The following ITGAE variants were observed in gnomAD, a reference collection of about 807,000 sequenced individuals.
ITGAE encodes integrin alpha-E.
ITGAE carries 99 observed loss-of-function variants against 136.5 expected under a neutral mutation model. The observed-to-expected ratio is 0.73, with a 90% CI of 0.62 to 0.86. The LOEUF is 0.86. Among genes scored for constraint, ITGAE ranks in the 40% least tolerant of loss-of-function variants. The pLI is 0.00. For missense variants in ITGAE, 1,447 were observed against 1,515.3 expected (o/e 0.95, Z 0.75); for synonymous variants, 613 against 591.8 (o/e 1.04, Z -0.52).
chr17:3,714,701 T>G lies in ITGAE; in HGVS notation c.*146A>C, dbSNP rs1050247781. ...ACTTTTTGCACAATGCACAGACACT[T>G]TTGGGACAATGTATGGTTAAAAACT... On this transcript the variant is annotated 3_prime_UTR_variant, in exon 31 of 31. Transcript: ENST00000263087. 7 of 541,848 alleles carry G rather than the reference T, an allele frequency of 1.3e-5. No individual in the cohort carries two copies. Among genetic ancestry groups the G allele is most frequent in the Non-Finnish European group, 2.0e-5 (6 of 307,462 alleles). The allele number at this position is 541,848 out of a possible 1,614,324, so 33.6% of individuals were successfully genotyped here.
At chr17:3,766,113 GC>G (rs2052291478) in intron 2 of ITGAE, among the ~76,000 whole-genome samples, 1 of 152,154 alleles carries the variant, frequency 6.6e-6, no homozygotes, top group Non-Finnish European at 1.5e-5. Flanking sequence ...TATGAGGGAG[GC>G]CCCGAAAACG....
intron 14 of ITGAE, among the ~76,000 whole-genome samples, chr17:3,752,496 C>A (rs545681548): frequency 6.6e-6 from 1 of 152,222 alleles, no homozygotes; most frequent in Non-Finnish European, 1.5e-5. Context: ...TGACTCACGC[C>A]CATAATCTCA....
At position 3,793,889 on chromosome 17, in the gene ITGAE, CCT is replaced by C. The variant is rs376826856; in HGVS notation, c.34+7220_34+7221del. 8.4e-4 allele frequency among the ~76,000 whole-genome samples: 128 copies of C among 151,888 alleles called. 6 individuals carry two copies. In the East Asian group the frequency reaches 0.016, roughly 19 times the overall value. ...GAAGCATTGGAGCCCTTCCTGATCC[CCT>C]GAGTGCACATGTGTACAAAATCCTC... is the stretch of plus-strand genomic sequence containing the variant. On this transcript the variant is annotated intron_variant, in intron 1 of 30. Transcript: ENST00000263087.
In ITGAE at chr17:3,720,043, T is replaced by TA. The variant is rs768340539; in HGVS notation, c.3333+263dup. Among the ~76,000 whole-genome samples, 14 of 152,268 alleles carry TA rather than the reference T, an allele frequency of 9.2e-5. No individual in the cohort carries two copies. The East Asian group carries it at 2.7e-3, about 29-fold the overall frequency. On this transcript the variant is annotated intron_variant, in intron 29 of 30. Transcript: ENST00000263087. Reference sequence around the variant, plus strand: ...CGCCCAGCTGCGAAATTTTTTTTTTTAATCAATCCATTTTCAAATCAAAGT... The same window carrying TA: ...CGCCCAGCTGCGAAATTTTTTTTTTTAAATCAATCCATTTTCAAATCAAAGT...
At chr17:3,788,306 T>C (rs73318168) in intron 1 of ITGAE, among the ~76,000 whole-genome samples, 5,410 of 151,998 alleles carry the variant, frequency 0.036, 97 homozygotes, top group East Asian at 0.047. Context: ...TTTTTGCTTT[T>C]TGAGACTGGC....
chr17:3,797,140 AATATATATATATATAT>A (rs10538298), intron 1 of ITGAE, among the ~76,000 whole-genome samples: 1 of 71,010 alleles, frequency 1.4e-5, no homozygotes, highest in African/African-American at 6.2e-5. Context: ...CTGGAAACTA[AATATATATATATATAT>A]ATTTTTTTTT....
Position 3,734,835 on chromosome 17 carries a change from C to T in ITGAE, c.2637G>A (p.Gln879=). 1.2e-6 allele frequency: 2 copies of T among 1,614,198 alleles called. No individual in the cohort carries two copies. Among genetic ancestry groups the T allele is most frequent in the Non-Finnish European group, 8.5e-7 (1 of 1,180,030 alleles). Reference sequence around the variant, plus strand: ...CAGTCACCTTTTGCATCCTCTTCAACTGCAGGTTTCTGGGGTAATTCAAGG... The same window carrying T: ...CAGTCACCTTTTGCATCCTCTTCAATTGCAGGTTTCTGGGGTAATTCAAGG... ...SMALNYPRNL[Q]LKRMQKPPSP... is the part of the protein sequence containing the mutation. The change falls in exon 21 of 31, where the codon CAG becomes CAA. Residue 879 remains glutamine (Q), a synonymous_variant. Transcript: ENST00000263087.
At chr17:3,788,456 ATT>A (rs71155804) in intron 1 of ITGAE, among the ~76,000 whole-genome samples, 3,537 of 103,126 alleles carry the variant, frequency 0.034, 42 homozygotes, top group East Asian at 0.048. Flanking sequence ...GACCTGACTA[ATT>A]TTTTTTTTTT....
intron 30 of ITGAE, among the ~76,000 whole-genome samples, chr17:3,715,966 C>A (rs1050160852): frequency 3.3e-5 from 5 of 151,984 alleles, no homozygotes; most frequent in African/African-American, 1.2e-4. Flanking sequence ...ACCAGCCTGG[C>A]CAATATGGTG....
Position 3,728,153 on chromosome 17 carries a change from G to A in ITGAE, c.2928C>T (p.Tyr976=), listed in dbSNP as rs756555666. Residue 976 remains tyrosine, a synonymous_variant, in exon 25 of 31, where the codon TAC becomes TAT. Coordinates refer to ENST00000263087, the MANE Select transcript of ITGAE (RefSeq NM_002208.5). ...GAGAAAGCCCCTGGCCTGTGTTCAC[G>A]TACATTATGGATGGTCTGCAATTGA... is the stretch of plus-strand genomic sequence containing the variant. The part of the protein sequence containing the change: ...VAVLSKPSIM[Y]VNTGQGLSHH... 1.1e-5 allele frequency: 17 copies of A among 1,612,494 alleles called. No individual in the cohort carries two copies. The highest frequency in any genetic ancestry group is 4.5e-5 in the East Asian group (2 of 44,896).
intron 24 of ITGAE, 44 bp from the exon 25 acceptor site, chr17:3,728,212 C>G (rs769699316): frequency 6.7e-7 from 1 of 1,486,454 alleles, no homozygotes; most frequent in South Asian, 1.1e-5. Context: ...GAGTCTTTCT[C>G]CCTTTTTTGG....
intron 24 of ITGAE, among the ~76,000 whole-genome samples, chr17:3,729,030 C>A (rs187192306): frequency 7.5e-6 from 1 of 132,998 alleles, no homozygotes; most frequent in Admixed American, 7.4e-5. Context: ...AGTGAGACTT[C>A]GTCTCAGTTT....
At chr17:3,748,940 C>T (rs1054846059) in intron 16 of ITGAE, among the ~76,000 whole-genome samples, 10 of 152,086 alleles carry the variant, frequency 6.6e-5, no homozygotes, top group African/African-American at 2.4e-4. Flanking sequence ...AAATAGGAGC[C>T]GTGGAGGAGT....
At chr17:3,723,798 C>T (rs2051118757) in intron 26 of ITGAE, 54 bp from the exon 27 acceptor site, 13 of 1,591,748 alleles carry the variant, frequency 8.2e-6, no homozygotes, top group Non-Finnish European at 1.1e-5. Flanking sequence ...CGCCAGTTTT[C>T]CGTCCCGTCC....
At chr17:3,719,717 T>C (rs2976229) in intron 29 of ITGAE, among the ~76,000 whole-genome samples, 20,766 of 152,120 alleles carry the variant, frequency 0.14, 4,741 homozygotes, top group African/African-American at 0.47. Flanking sequence ...ACTTAGGTAA[T>C]TCATTTTTTA....
intron 1 of ITGAE, among the ~76,000 whole-genome samples, chr17:3,779,332 TC>T (rs1597361166): frequency 1.6e-5 from 1 of 63,200 alleles, no homozygotes; most frequent in Non-Finnish European, 3.3e-5. Flanking sequence ...TTTATTAATT[TC>T]TTTTTTTTTT....
chr17:3,797,313 C>A (rs1295072970), intron 1 of ITGAE, among the ~76,000 whole-genome samples: 1 of 148,338 alleles, frequency 6.7e-6, no homozygotes, highest in Non-Finnish European at 1.5e-5. Flanking sequence ...CTACAGGCAC[C>A]CGCCACCATG....
At chr17:3,780,171 GT>G (rs34188634) in intron 1 of ITGAE, among the ~76,000 whole-genome samples, 5,672 of 120,438 alleles carry the variant, frequency 0.047, 127 homozygotes, top group East Asian at 0.14. Context: ...TTGTTTATTT[GT>G]TTTTTTTTTT....
Position 3,729,528 on chromosome 17 carries a change from G to T in ITGAE, c.2862C>A (p.Asn954Lys), listed in dbSNP as rs532132211. The stretch of plus-strand genomic sequence containing the variant: ...GCCTGAATTGAAGGGTGTGGGTCTC[G>T]TTGGCCAAAGACCGTCTTTCATTGG... ...TNSNERRSLA[N>K]ETHTLQFRHG... The change falls in exon 24 of 31, where the codon AAC becomes AAA. Residue 954 changes from asparagine to lysine, a missense_variant. Physicochemically the swap from Asn to Lys is moderately conservative, Grantham distance 94. Around this residue, in one of 3 missense-constraint regions of ITGAE, gnomAD observed 1,031 missense variants for 1,011.4 expected, o/e 1.02. Transcript: ENST00000263087. 9.3e-6 allele frequency: 15 copies of T among 1,609,902 alleles called. No homozygotes were observed. The highest frequency in any genetic ancestry group is 1.3e-5 in the Non-Finnish European group (15 of 1,176,166).
Sources: gnomAD v4.1 joint callset for allele counts (sites outside exome capture counted in the v4.1 genomes callset) on GRCh38, gnomAD v4.1.1 for gene constraint, gnomAD v4.1.1 regional missense constraint, MANE v1.5 for transcripts, NCBI Gene and HGNC (gene_info 2026-07-23, HGNC 2026-07-21) for gene names.